Variants in QRICH1 observed in about 807,000 individuals in gnomAD.
QRICH1 encodes the protein transcriptional regulator QRICH1.
Under a neutral mutation model 87.1 loss-of-function variants are expected in QRICH1, and 16 were observed. The ratio of observed to expected loss-of-function variants is 0.18; its 90% CI spans 0.12 to 0.28. QRICH1 has a LOEUF of 0.28. Among genes scored for constraint, QRICH1 ranks in the 10% least tolerant of loss-of-function variants. The pLI, the probability that QRICH1 is intolerant of heterozygous loss-of-function variation, is 1.00. For synonymous variants in QRICH1, 367 were observed against 368.4 expected (o/e 1.00, Z 0.05); for missense variants, 647 against 951.7 (o/e 0.68, Z 4.21).
At chr3:49,033,413 TTC>T (rs2106814813) in intron 6 of QRICH1, 185 bp from the exon 7 acceptor site, 1 of 396,464 alleles carries the variant, frequency 2.5e-6, no homozygotes, top group East Asian at 3.7e-5. Flanking sequence ...CCCAATCTGT[TTC>T]TGAGGTGGAA....
chr3:49,031,090 G>A (rs1040379429), intron 9 of QRICH1, among the ~76,000 whole-genome samples: 4 of 150,996 alleles, frequency 2.6e-5, no homozygotes, highest in African/African-American at 7.3e-5. Flanking sequence ...TGGTTGAAGC[G>A]ATTCTCCTGC....
intron 3 of QRICH1, 138 bp downstream of exon 3, chr3:49,056,724 C>G (rs1394157335): frequency 6.4e-6 from 9 of 1,409,568 alleles, no homozygotes; most frequent in Non-Finnish European, 7.7e-6. Context: ...GTTTCTCCCC[C>G]TCTTCTCCCA....
chr3:49,093,266 G>A (rs950426644), intron 1 of QRICH1: 5 of 152,282 alleles, frequency 3.3e-5, no homozygotes, highest in Admixed American at 1.3e-4. Context: ...TGGGCCTCAA[G>A]TAACGGCATT....
intron 2 of QRICH1, among the ~76,000 whole-genome samples, chr3:49,071,013 T>C (rs2106956956): frequency 6.6e-6 from 1 of 152,032 alleles, no homozygotes; most frequent in East Asian, 1.9e-4. Flanking sequence ...CAAGCATTCA[T>C]CAGTTTATCT....
At position 49,072,191 on chromosome 3, in the gene QRICH1, C is replaced by T. The variant is rs545814056; in HGVS notation, c.309+4518G>A. Among the ~76,000 whole-genome samples, 500 of 152,068 alleles carry T rather than the reference C, an allele frequency of 3.3e-3. 4 individuals are homozygous for T. The highest frequency in any genetic ancestry group is 0.014 in the Middle Eastern group (4 of 294). The stretch of plus-strand genomic sequence containing the variant: ...ACTAAAAATATAAAAATTAGTCGGG[C>T]GTGCTAGCTTGAACCCCAGAGATGG... On this transcript the variant is annotated intron_variant, in intron 2 of 9. Coordinates refer to ENST00000395443, the MANE Select transcript of QRICH1 (RefSeq NM_198880.3).
chr3:49,078,934 C>G (rs956444861), intron 1 of QRICH1, among the ~76,000 whole-genome samples: 13 of 151,990 alleles, frequency 8.6e-5, no homozygotes, highest in Non-Finnish European at 1.6e-4. Context: ...TCAGGTGACC[C>G]TCCCGCCTCG....
At position 49,046,554 on chromosome 3, in the gene QRICH1, T is replaced by A; in HGVS notation, c.1542A>T (p.Glu514Asp). 1 of 1,613,290 alleles carries A rather than the reference T, an allele frequency of 6.2e-7. No homozygotes were observed. The highest frequency in any genetic ancestry group is 8.5e-7 in the Non-Finnish European group (1 of 1,179,786). The change falls in exon 5 of 10, where the codon GAA becomes GAT. Residue 514 changes from glutamate (E) to aspartate (D), a missense_variant. Around this residue, in one of 7 missense-constraint regions of QRICH1, gnomAD observed 187 missense variants for 309.5 expected, o/e 0.60. Transcript: ENST00000395443. ...CTGCCACAGCAGAGGAGATGAGATC[T>A]TCCTGGAATCGCAGCAGTTGGCGCC... is the stretch of plus-strand genomic sequence containing the variant. ...IGRRQLLRFQ[E>D]DLISSAVAEL...
At chr3:49,075,298 C>T (rs982414855) in intron 2 of QRICH1, among the ~76,000 whole-genome samples, 3 of 148,822 alleles carry the variant, frequency 2.0e-5, no homozygotes, top group African/African-American at 7.5e-5. Context: ...CACTGCACTC[C>T]AGCCTAGGTG....
chr3:49,057,409 G>A lies in QRICH1; in HGVS notation c.791C>T (p.Pro264Leu). ...ITVSYAISGQ[P>L]VATVLAIPQG... The stretch of plus-strand genomic sequence containing the variant: ...TGGAATGGCCAGCACGGTGGCCACC[G>A]GCTGCCCTGAGATGGCGTAGGACAC... Residue 264 changes from proline (P) to leucine (L), a missense_variant, in exon 3 of 10, where the codon CCG becomes CTG. This residue lies in a region of QRICH1 where 75 missense variants were observed against 141.0 expected (regional missense o/e 0.53). Transcript: ENST00000395443. The surrounding 1 kb of genome is among the most constrained non-coding windows in gnomAD (Gnocchi z 5.4). 6.2e-7 allele frequency: 1 copy of A among 1,614,142 alleles called. No homozygotes were observed. Among genetic ancestry groups the A allele is most frequent in the Non-Finnish European group, 8.5e-7 (1 of 1,180,034 alleles).
At chr3:49,064,234 A>ATTT (rs1029737044) in intron 2 of QRICH1, among the ~76,000 whole-genome samples, 7 of 92,308 alleles carry the variant, frequency 7.6e-5, no homozygotes, top group African/African-American at 1.2e-4. Flanking sequence ...GCTGGCCCTA[A>ATTT]TTTTTTTTTT....
intron 3 of QRICH1, among the ~76,000 whole-genome samples, chr3:49,051,644 TC>T (rs2093371650): frequency 1.7e-5 from 2 of 120,300 alleles, no homozygotes; most frequent in Admixed American, 1.2e-4. Context: ...ACTGAACAAC[TC>T]ATAGCCACCT....
At chr3:49,030,692 C>T in intron 9 of QRICH1, 48 bp from the exon 10 acceptor site, 1 of 1,441,172 alleles carries the variant, frequency 6.9e-7, no homozygotes, top group South Asian at 1.4e-5. Flanking sequence ...ATAACTTCAA[C>T]CCTCCCACCC....
At chr3:49,075,221 T>C (rs967578503) in intron 2 of QRICH1, among the ~76,000 whole-genome samples, 3 of 151,458 alleles carry the variant, frequency 2.0e-5, no homozygotes, top group African/African-American at 7.3e-5. Flanking sequence ...TCCCAGCTAC[T>C]TGGAGGTTGA....
At position 49,050,248 on chromosome 3, in the gene QRICH1, C is replaced by CA. The variant is rs527597101; in HGVS notation, c.1339-3003dup. ...TGGGCTAAAGAGCGGGACTCCGTCT[C>CA]AAAAAAAAAAAAAAAAAAAAAAAAA... On this transcript the variant is annotated intron_variant, in intron 3 of 9. Coordinates refer to ENST00000395443, the MANE Select transcript of QRICH1 (RefSeq NM_198880.3). Among the ~76,000 whole-genome samples, 191 of 52,402 alleles carry CA rather than the reference C, an allele frequency of 3.6e-3. 7 individuals carry two copies. The highest frequency in any genetic ancestry group is 0.013 in the Middle Eastern group (1 of 78). 34.4% of individuals were successfully genotyped at this position (52,402 alleles called of 152,430 possible).
chr3:49,034,229 G>A (rs1037646865), intron 6 of QRICH1, among the ~76,000 whole-genome samples: 1 of 151,768 alleles, frequency 6.6e-6, no homozygotes, highest in African/African-American at 2.4e-5. Context: ...AATTGTTTGA[G>A]CCCAAGAGTT....
chr3:49,046,975 G>A (rs953467370), intron 4 of QRICH1, 94 bp downstream of exon 4: 4 of 1,402,520 alleles, frequency 2.9e-6, no homozygotes, highest in Non-Finnish European at 3.9e-6. Context: ...TTGTCCCCAA[G>A]ACAGGAGACA....
intron 1 of QRICH1, among the ~76,000 whole-genome samples, chr3:49,081,630 G>C (rs7616309): frequency 6.6e-6 from 1 of 152,036 alleles, no homozygotes; most frequent in Non-Finnish European, 1.5e-5. Flanking sequence ...CCGCCCAAGC[G>C]GCTGGGACTA....
At position 49,077,006 on chromosome 3, in the gene QRICH1, G is replaced by C. The variant is rs749950151; in HGVS notation, c.12C>G (p.Ser4=). The change falls in exon 2 of 10, where the codon TCC becomes TCG. Residue 4 remains serine (S), a synonymous_variant. Transcript: ENST00000395443. ...CTTCAAAGGAGATGGTGTTCTCTAG[G>C]GAATTATTCATATTGCAGAGTCCTT... MNN[S]LENTISFEEY... 2 of 1,480,640 alleles carry C rather than the reference G, an allele frequency of 1.4e-6. No homozygotes were observed. The highest frequency in any genetic ancestry group is 4.7e-5 in the East Asian group (2 of 42,442). 91.7% of individuals were successfully genotyped at this position (1,480,640 alleles called of 1,614,324 possible).
Position 49,032,155 on chromosome 3 carries a change from T to C in QRICH1, c.2138+28A>G, listed in dbSNP as rs541127196. ...ACGCATACACACACATGCGCACACA[T>C]GGACAGCAAGTCACAATAAAGCCTC... On this transcript the variant is annotated intron_variant, in intron 9 of 9. Coordinates refer to ENST00000395443, the MANE Select transcript of QRICH1 (RefSeq NM_198880.3). 27 of 1,549,578 alleles carry C rather than the reference T, an allele frequency of 1.7e-5. No individual in the cohort carries two copies. The South Asian group carries it at 2.9e-4, about 17-fold the overall frequency.
Sources: allele counts gnomAD v4.1 joint callset (sites outside exome capture counted in the v4.1 genomes callset), GRCh38; gene constraint gnomAD v4.1.1; regional missense constraint gnomAD v4.1.1; non-coding constraint Gnocchi (gnomAD v3.1); transcripts MANE v1.5; gene names NCBI Gene and HGNC (gene_info 2026-07-23, HGNC 2026-07-21).